CFAP57: variants seen among roughly 807,000 people sequenced by gnomAD.
The protein encoded by CFAP57 is cilia and flagella associated protein 57.
Under a neutral mutation model 146.8 loss-of-function variants are expected in CFAP57, and 116 were observed. That is an observed-to-expected ratio of 0.79 (90% CI 0.68 to 0.92). The LOEUF is 0.92. Ranked by LOEUF, CFAP57 falls within the 40% of genes least tolerant of loss-of-function variation. The probability of loss-of-function intolerance (pLI) is 0.00; values close to 1 mark genes in which losing one functional copy is unlikely to be tolerated. For synonymous variants in CFAP57, 518 were observed against 552.8 expected (o/e 0.94, Z 0.88); for missense variants, 1,377 against 1,527.2 (o/e 0.90, Z 1.64).
chr1:43,249,189 C>T (rs1189291673), intron 22 of CFAP57, among the ~76,000 whole-genome samples: 8 of 151,752 alleles, frequency 5.3e-5, no homozygotes, highest in East Asian at 1.9e-4. Context: ...CGTGAGCTGC[C>T]GTGTCCAGCC....
rs561880443 is a variant in CFAP57 at position 43,188,842 on chromosome 1, A to G, written c.1122+1983A>G. 4.6e-5 allele frequency among the ~76,000 whole-genome samples: 7 copies of G among 152,366 alleles called. No homozygotes were observed. The East Asian group carries it at 1.2e-3, about 25-fold the overall frequency. On this transcript the variant is annotated intron_variant, in intron 6 of 22. Coordinates refer to ENST00000372492, the MANE Select transcript of CFAP57 (RefSeq NM_001378189.1). ...ATTTAAGAAGCCAATGCCTGAGGCC[A>G]TGAAGATTTACCTCTGTATTTCTTC...
At chr1:43,216,201 T>C (rs611261) in intron 12 of CFAP57, among the ~76,000 whole-genome samples, 115,694 of 152,084 alleles carry the variant, frequency 0.76, 45,426 homozygotes, top group Middle Eastern at 0.9. Context: ...GGGATGCACA[T>C]GTGAAAAGAC....
intron 21 of CFAP57, among the ~76,000 whole-genome samples, chr1:43,239,886 C>G (rs1165533915): frequency 6.6e-6 from 1 of 152,158 alleles, no homozygotes; most frequent in African/African-American, 2.4e-5. Context: ...TAGTAAGAAT[C>G]TCATCTTATT....
intron 21 of CFAP57, among the ~76,000 whole-genome samples, chr1:43,240,645 CAGAG>C (rs1645877082): frequency 1.3e-5 from 2 of 152,100 alleles, no homozygotes; most frequent in Admixed American, 6.5e-5. Flanking sequence ...TCATCCGAGA[CAGAG>C]AGATTTCATT....
chr1:43,232,577 C>T lies in CFAP57; in HGVS notation c.3079C>T (p.Gln1027Ter). ...QLELNITELW[Q>*]KLRATDQEMR... Reference sequence around the variant, plus strand: ...GGAGCTGAACATCACAGAATTGTGGCAGAAACTGAGAGCCACCGATCAGGA... The same window carrying T: ...GGAGCTGAACATCACAGAATTGTGGTAGAAACTGAGAGCCACCGATCAGGA... Residue 1027 changes from glutamine to a stop codon, truncating the protein, a stop_gained, in exon 19 of 23, where the codon CAG becomes TAG. Coordinates refer to ENST00000372492, the MANE Select transcript of CFAP57 (RefSeq NM_001378189.1). LOFTEE classifies it high-confidence loss of function. 1.3e-6 allele frequency: 2 copies of T among 1,549,290 alleles called. No homozygotes were observed. The highest frequency in any genetic ancestry group is 1.7e-6 in the Non-Finnish European group (2 of 1,146,048).
At chr1:43,228,004 C>T (rs1419984649) in intron 18 of CFAP57, among the ~76,000 whole-genome samples, 4 of 152,188 alleles carry the variant, frequency 2.6e-5, no homozygotes, top group Admixed American at 2.0e-4. Context: ...TTTCCCGCTG[C>T]TGCTATCACC....
rs188202238 is a variant in CFAP57 at position 43,253,566 on chromosome 1, C to T, written c.3539-411C>T. 3.3e-5 allele frequency among the ~76,000 whole-genome samples: 5 copies of T among 152,204 alleles called. No homozygotes were observed. In the East Asian group the frequency reaches 5.8e-4, roughly 18 times the overall value. ...ATGAGTGGACACACCTGGAGAGGCACGAAGGGGTCTGTCTCCAGGAGCAGG... is the reference window on the plus strand; with the variant it reads ...ATGAGTGGACACACCTGGAGAGGCATGAAGGGGTCTGTCTCCAGGAGCAGG... On this transcript the variant is annotated intron_variant, in intron 22 of 22. Transcript: ENST00000372492.
chr1:43,228,128 A>T (rs1645325550), intron 18 of CFAP57, among the ~76,000 whole-genome samples: 1 of 151,952 alleles, frequency 6.6e-6, no homozygotes, highest in Non-Finnish European at 1.5e-5. Context: ...CTACAGTAAA[A>T]TCCAAAGTCC....
chr1:43,221,097 A>T (rs61768999), intron 13 of CFAP57, among the ~76,000 whole-genome samples: 5,228 of 152,298 alleles, frequency 0.034, 123 homozygotes, highest in Admixed American at 0.043. Flanking sequence ...TTCACCCAGA[A>T]GTCCTTTTGA....
intron 18 of CFAP57, among the ~76,000 whole-genome samples, chr1:43,227,909 TC>T (rs1324072380): frequency 6.6e-6 from 1 of 152,220 alleles, no homozygotes; most frequent in Non-Finnish European, 1.5e-5. Flanking sequence ...CTTTCTTGAT[TC>T]TTCACTTCTC....
At chr1:43,210,109 G>A (rs756010283) in intron 11 of CFAP57, 193 bp downstream of exon 11, 1 of 1,611,958 alleles carries the variant, frequency 6.2e-7, no homozygotes, top group Non-Finnish European at 8.5e-7. Flanking sequence ...TTTAGCCTAG[G>A]AAATCATCAG....
intron 16 of CFAP57, 146 bp downstream of exon 16, chr1:43,223,143 C>A: frequency 1.1e-6 from 1 of 894,160 alleles, no homozygotes; most frequent in East Asian, 2.8e-5. Context: ...GAGCACCAGC[C>A]AGTGCACCCT....
Position 43,181,685 on chromosome 1 carries a change from T to A in CFAP57, c.309T>A (p.Phe103Leu). 6.2e-7 allele frequency: 1 copy of A among 1,614,220 alleles called. No homozygotes were observed. Among genetic ancestry groups the A allele is most frequent in the South Asian group, 1.1e-5 (1 of 91,088 alleles). ...GGAAGCGCAAAGTTCTTAATAATTT[T>A]GACTTCCAAGTTCAGAAATTTATTA... ...PCRKRKVLNN[F>L]DFQVQKFISM... Residue 103 changes from phenylalanine (F) to leucine (L), a missense_variant, in exon 3 of 23, where the codon TTT becomes TTA. Coordinates refer to ENST00000372492, the MANE Select transcript of CFAP57 (RefSeq NM_001378189.1).
chr1:43,197,811 AT>A, intron 7 of CFAP57, 119 bp downstream of exon 7: 1 of 1,422,550 alleles, frequency 7.0e-7, no homozygotes, highest in Non-Finnish European at 9.7e-7. Flanking sequence ...GTTGGAAAAG[AT>A]TTTTAAAAAA....
Position 43,172,400 on chromosome 1 carries a change from C to T in CFAP57, c.-73C>T, listed in dbSNP as rs1248768979. The T allele has an allele frequency of 3.2e-6, 5 of 1,551,466 alleles. No homozygotes were observed. Among genetic ancestry groups the T allele is most frequent in the East Asian group, 2.4e-5 (1 of 40,908 alleles). On this transcript the variant is annotated 5_prime_UTR_variant, in exon 1 of 23. Coordinates refer to ENST00000372492, the MANE Select transcript of CFAP57 (RefSeq NM_001378189.1). ...GTGTCCGGGTTGCTTAGGATCCCTA[C>T]AGGTAGCGCCTCTGGATACATGCGT...
intron 18 of CFAP57, among the ~76,000 whole-genome samples, chr1:43,230,981 G>A (rs1408305094): frequency 2.6e-5 from 4 of 152,162 alleles, no homozygotes; most frequent in African/African-American, 9.7e-5. Context: ...TCCCCTACAA[G>A]GTGGTTCTAT....
intron 9 of CFAP57, among the ~76,000 whole-genome samples, chr1:43,203,672 G>T (rs4339897): frequency 0.48 from 73,439 of 151,936 alleles, 19,593 homozygotes; most frequent in East Asian, 0.71. Flanking sequence ...TTTTGGCCAG[G>T]ATGGTCTCGA....
chr1:43,254,223 C>A lies in CFAP57; in HGVS notation c.*32C>A, dbSNP rs1646387646. Reference sequence around the variant, plus strand: ...CTGGTGAGCCATCTCCAGCCACAGCCAGAAGAAACACAGCATGTCTGTCCC... The same window carrying A: ...CTGGTGAGCCATCTCCAGCCACAGCAAGAAGAAACACAGCATGTCTGTCCC... On this transcript the variant is annotated 3_prime_UTR_variant, in exon 23 of 23. Transcript: ENST00000372492. The A allele has an allele frequency of 2.0e-6, 3 of 1,521,892 alleles. No individual in the cohort carries two copies. Among genetic ancestry groups the A allele is most frequent in the South Asian group, 1.2e-5 (1 of 80,788 alleles). 94.3% of individuals were successfully genotyped at this position (1,521,892 alleles called of 1,614,324 possible).
intron 17 of CFAP57, among the ~76,000 whole-genome samples, chr1:43,224,995 T>C (rs1026528984): frequency 2.6e-5 from 4 of 152,198 alleles, no homozygotes; most frequent in Non-Finnish European, 5.9e-5. Flanking sequence ...CATAGGATCA[T>C]GGGATCATGC....
Sources: gnomAD v4.1 joint callset for allele counts (sites outside exome capture counted in the v4.1 genomes callset) on GRCh38, gnomAD v4.1.1 for gene constraint, MANE v1.5 for transcripts, NCBI Gene and HGNC (gene_info 2026-07-23, HGNC 2026-07-21) for gene names.